The following GRIN2B variants were observed in gnomAD, a reference collection of about 807,000 sequenced individuals.
The protein encoded by GRIN2B is glutamate receptor ionotropic, NMDA 2B.
A neutral mutation model predicts 114.5 loss-of-function variants in GRIN2B; 5 were observed. The observed-to-expected ratio is 0.04, with a 90% confidence interval of 0.02 to 0.09. GRIN2B has a LOEUF of 0.09. Among genes scored for constraint, GRIN2B ranks in the 10% least tolerant of loss-of-function variants. The pLI, the probability that GRIN2B is intolerant of heterozygous loss-of-function variation, is 1.00. For synonymous variants in GRIN2B, 787 were observed against 745.1 expected, an observed-to-expected ratio of 1.06 and a Z score of -0.92; for missense variants, 1,108 against 1,943.5, an observed-to-expected ratio of 0.57 and a Z score of 8.08.
In GRIN2B at chr12:13,559,161, T is replaced by C. The variant is rs1220353006; in HGVS notation, c.*3622A>G. ...CTTGTTATTCTGGAATTAAGTAACATCTAGATTTTAACAATGCCCAGCCTT... is the reference window on the plus strand; with the variant it reads ...CTTGTTATTCTGGAATTAAGTAACACCTAGATTTTAACAATGCCCAGCCTT... On this transcript the variant is annotated 3_prime_UTR_variant, in exon 14 of 14. Transcript: ENST00000609686. 6.6e-6 allele frequency: 1 copy of C among 151,794 alleles called. No homozygotes were observed. Among genetic ancestry groups the C allele is most frequent in the Non-Finnish European group, 1.5e-5 (1 of 68,010 alleles). 9.4% of individuals were successfully genotyped at this position (151,794 alleles called of 1,614,324 possible). A position where few individuals can be genotyped will look rare whatever the true frequency, so the allele number is the denominator to read the frequency against.
At chr12:13,853,981 G>A (rs745841205) in intron 3 of GRIN2B, among the ~76,000 whole-genome samples, 17 of 152,140 alleles carry the variant, frequency 1.1e-4, no homozygotes, top group Non-Finnish European at 1.5e-5. Flanking sequence ...TAGCAGGACG[G>A]AGAACTAAAA....
At chr12:13,834,218 T>TTC (rs1565555844) in intron 3 of GRIN2B, among the ~76,000 whole-genome samples, 1 of 146,516 alleles carries the variant, frequency 6.8e-6, no homozygotes, top group African/African-American at 2.6e-5. Context: ...TTTTTTTTTT[T>TTC]AGTAGAGATG....
intron 2 of GRIN2B, among the ~76,000 whole-genome samples, chr12:13,951,627 T>C (rs1182816551): frequency 6.6e-6 from 1 of 152,196 alleles, no homozygotes; most frequent in African/African-American, 2.4e-5. Context: ...TCATGGACAC[T>C]TAGCGTCCAT....
chr12:13,658,437 C>T (rs952246514), intron 5 of GRIN2B, among the ~76,000 whole-genome samples: 2 of 151,994 alleles, frequency 1.3e-5, no homozygotes, highest in Non-Finnish European at 1.5e-5. Context: ...GAAATGAAAA[C>T]GAAACAGGAT....
At chr12:13,827,224 G>GTTTT (rs759572450) in intron 3 of GRIN2B, among the ~76,000 whole-genome samples, 7 of 34,428 alleles carry the variant, frequency 2.0e-4, no homozygotes, top group African/African-American at 3.5e-4. Flanking sequence ...CCTTATTGTT[G>GTTTT]TTTTCTTTTT....
chr12:13,791,332 G>A (rs1864316558), intron 3 of GRIN2B, among the ~76,000 whole-genome samples: 1 of 151,476 alleles, frequency 6.6e-6, no homozygotes, highest in Admixed American at 6.6e-5. Context: ...GGCGCCTGTA[G>A]CCCAGCTACT....
intron 2 of GRIN2B, among the ~76,000 whole-genome samples, chr12:13,913,281 C>A (rs1866655354): frequency 1.3e-5 from 2 of 152,178 alleles, no homozygotes; most frequent in Non-Finnish European, 2.9e-5. Flanking sequence ...TTCAACACCC[C>A]TGATGCCCTT....
intron 3 of GRIN2B, among the ~76,000 whole-genome samples, chr12:13,767,185 G>A (rs564446604): frequency 1.8e-4 from 28 of 151,462 alleles, no homozygotes; most frequent in African/African-American, 2.7e-4. Flanking sequence ...GCGTGAGGCC[G>A]GGAGGCGGAG....
chr12:13,673,036 C>A (rs1950037992), intron 5 of GRIN2B, among the ~76,000 whole-genome samples: 1 of 152,152 alleles, frequency 6.6e-6, no homozygotes, highest in South Asian at 2.1e-4. Context: ...GCTAAAGACA[C>A]AGCCTCTGCC....
intron 3 of GRIN2B, among the ~76,000 whole-genome samples, chr12:13,787,848 T>C (rs189789301): frequency 2.0e-5 from 3 of 152,320 alleles, no homozygotes; most frequent in Non-Finnish European, 4.4e-5. Context: ...CAAAAATTCA[T>C]CCTTAAGCTA....
At chr12:13,757,446 T>C (rs1863595938) in intron 3 of GRIN2B, among the ~76,000 whole-genome samples, 1 of 152,198 alleles carries the variant, frequency 6.6e-6, no homozygotes, top group South Asian at 2.1e-4. Context: ...TGGCCACACA[T>C]CCATCTTTGC....
intron 4 of GRIN2B, among the ~76,000 whole-genome samples, chr12:13,724,102 C>T (rs1862932313): frequency 6.6e-6 from 1 of 152,114 alleles, no homozygotes; most frequent in East Asian, 1.9e-4. Flanking sequence ...GGAAATAAGT[C>T]TGCCTTTAAA....
rs556352635 is a variant in GRIN2B at position 13,932,197 on chromosome 12, G to A, written c.-19+47731C>T. On this transcript the variant is annotated intron_variant, in intron 2 of 13. Coordinates refer to ENST00000609686, the MANE Select transcript of GRIN2B (RefSeq NM_000834.5). ...GCTACTGCTCAAACATACCAAACTC[G>A]CTCATGTCCTGGGGCATATGTCCTG... 1.8e-4 allele frequency among the ~76,000 whole-genome samples: 28 copies of A among 151,908 alleles called. No individual in the cohort carries two copies. In the South Asian group the frequency reaches 4.4e-3, roughly 24 times the overall value.
intron 3 of GRIN2B, among the ~76,000 whole-genome samples, chr12:13,764,292 T>TTACC (rs1863736252): frequency 6.6e-6 from 1 of 152,136 alleles, no homozygotes; most frequent in South Asian, 2.1e-4. Flanking sequence ...CCCCTCTGAC[T>TTACC]TACCAGTACT....
rs1228612549 is a variant in GRIN2B at position 13,615,838 on chromosome 12, A to G, written c.1329-174T>C. Among the ~76,000 whole-genome samples the G allele has an allele frequency of 6.6e-6, 1 of 152,234 alleles. No individual in the cohort carries two copies. Among genetic ancestry groups the G allele is most frequent in the East Asian group, 1.9e-4 (1 of 5,202 alleles). ...AAATAAAGCAGGCAACAGACCTGCA[A>G]TATTCTCATTATCTCGTCATATTGA... On this transcript the variant is annotated intron_variant, in intron 6 of 13. Transcript: ENST00000609686. This position sits in a 1 kb window ranked among gnomAD's most constrained non-coding sequence, Gnocchi z 5.8.
Position 13,719,989 on chromosome 12 carries a change from T to C in GRIN2B, c.1010+33328A>G, listed in dbSNP as rs187383098. On this transcript the variant is annotated intron_variant, in intron 4 of 13. Transcript: ENST00000609686. ...CAGAAGGAACAACTATCCCAAACCATGGGACCTGTGCAAGGCTGGGAAAGG... is the reference window on the plus strand; with the variant it reads ...CAGAAGGAACAACTATCCCAAACCACGGGACCTGTGCAAGGCTGGGAAAGG... 3.9e-5 allele frequency among the ~76,000 whole-genome samples: 6 copies of C among 152,080 alleles called. No individual in the cohort carries two copies. In the East Asian group the frequency reaches 1.2e-3, roughly 30 times the overall value.
chr12:13,769,292 C>A (rs373337839), intron 3 of GRIN2B, among the ~76,000 whole-genome samples: 1 of 152,014 alleles, frequency 6.6e-6, no homozygotes, highest in Non-Finnish European at 1.5e-5. Flanking sequence ...AGAACCCTCC[C>A]ACCCCCTCAA....
intron 3 of GRIN2B, among the ~76,000 whole-genome samples, chr12:13,856,073 A>T (rs145020039): frequency 1.3e-5 from 2 of 152,324 alleles, no homozygotes; most frequent in East Asian, 3.9e-4. Flanking sequence ...AGAAATGCCA[A>T]ATTCTGTGAA....
intron 5 of GRIN2B, among the ~76,000 whole-genome samples, chr12:13,675,034 A>C (rs914471403): frequency 6.6e-6 from 1 of 152,150 alleles, no homozygotes; most frequent in Non-Finnish European, 1.5e-5. Context: ...TTCAACTGGG[A>C]ATCTGGAATA....
Sources: allele counts gnomAD v4.1 joint callset (sites outside exome capture counted in the v4.1 genomes callset), GRCh38; gene constraint gnomAD v4.1.1; non-coding constraint Gnocchi (gnomAD v3.1); transcripts MANE v1.5; gene names NCBI Gene and HGNC (gene_info 2026-07-23, HGNC 2026-07-21).